The following BRIP1 variants were observed in gnomAD, a reference collection of about 807,000 sequenced individuals.
BRIP1 encodes BRCA1 interacting DNA helicase 1.
A neutral mutation model predicts 119.7 loss-of-function variants in BRIP1; 88 were observed. That is an observed-to-expected ratio of 0.74 (90% CI 0.62 to 0.88). BRIP1 has a LOEUF of 0.88. BRIP1 is among the 40% of genes least tolerant of loss of function. The pLI is 0.00. For missense variants in BRIP1, 1,259 were observed against 1,455.4 expected (o/e 0.87, Z 2.20); for synonymous variants, 443 against 496.5 (o/e 0.89, Z 1.43).
chr17:61,815,040 C>A lies in BRIP1; in HGVS notation c.628-6283G>T, dbSNP rs1357340870. ...AAACTTCAGGTAGAGAGTGAGGAAT[C>A]AAGACTATGGAAGATAATCTTAAAA... On this transcript the variant is annotated intron_variant, in intron 6 of 19. Transcript: ENST00000259008. The surrounding 1 kb of genome is among the most constrained non-coding windows in gnomAD (Gnocchi z 4.1). Among the ~76,000 whole-genome samples the A allele has an allele frequency of 1.3e-5, 2 of 149,010 alleles. No individual in the cohort carries two copies. The highest frequency in any genetic ancestry group is 2.1e-4 in the South Asian group (1 of 4,726).
intron 9 of BRIP1, among the ~76,000 whole-genome samples, chr17:61,797,545 A>C (rs1359977853): frequency 6.6e-6 from 1 of 152,046 alleles, no homozygotes; most frequent in African/African-American, 2.4e-5. Flanking sequence ...GTCAAGTGAG[A>C]AAATAGAATT....
Position 61,713,144 on chromosome 17 carries a change from G to A in BRIP1, c.2492+2807C>T, listed in dbSNP as rs2061805358. ...ACAATGCATTACAAGTGCTTGTGGC[G>A]ATGCTGGTGTAAACAAACCTACTGT... On this transcript the variant is annotated intron_variant, in intron 17 of 19. Coordinates refer to ENST00000259008, the MANE Select transcript of BRIP1 (RefSeq NM_032043.3). This position sits in a 1 kb window ranked among gnomAD's most constrained non-coding sequence, Gnocchi z 4.9. Among the ~76,000 whole-genome samples the A allele has an allele frequency of 3.3e-5, 5 of 152,096 alleles. No individual in the cohort carries two copies. The highest frequency in any genetic ancestry group is 4.1e-4 in the South Asian group (2 of 4,826).
intron 17 of BRIP1, among the ~76,000 whole-genome samples, chr17:61,698,102 G>A (rs1199645565): frequency 6.6e-6 from 1 of 152,172 alleles, no homozygotes; most frequent in Non-Finnish European, 1.5e-5. Flanking sequence ...CACCGTGCCT[G>A]GCCTAGATGT....
chr17:61,828,203 C>A lies in BRIP1; in HGVS notation c.627+18898G>T, dbSNP rs1484971179. Among the ~76,000 whole-genome samples the A allele has an allele frequency of 6.6e-6, 1 of 152,176 alleles. No individual in the cohort carries two copies. Among genetic ancestry groups the A allele is most frequent in the Non-Finnish European group, 1.5e-5 (1 of 68,030 alleles). The stretch of plus-strand genomic sequence containing the variant: ...ACAAACAAAATGTGGTATATCCATA[C>A]AATGGAATATTATTCAGCCATAAAA... On this transcript the variant is annotated intron_variant, in intron 6 of 19. Coordinates refer to ENST00000259008, the MANE Select transcript of BRIP1 (RefSeq NM_032043.3). The surrounding 1 kb of genome is among the most constrained non-coding windows in gnomAD (Gnocchi z 4.1).
In BRIP1 at chr17:61,693,382, T is replaced by C. The variant is rs1247841387; in HGVS notation, c.2575+48A>G. ...TATGTGTTTTTCACCACAATAAAAA[T>C]ATGAAGATTGTTACTAGTTTTTACT... On this transcript the variant is annotated intron_variant, in intron 18 of 19. Transcript: ENST00000259008. The surrounding 1 kb of genome is among the most constrained non-coding windows in gnomAD (Gnocchi z 4.2). 1.3e-6 allele frequency: 2 copies of C among 1,487,176 alleles called. No individual in the cohort carries two copies. The highest frequency in any genetic ancestry group is 9.4e-7 in the Non-Finnish European group (1 of 1,064,616). The allele number at this position is 1,487,176 out of a possible 1,614,324, so 92.1% of individuals were successfully genotyped here.
In BRIP1 at chr17:61,853,751, G is replaced by A. The variant is rs560107368; in HGVS notation, c.379+3307C>T. Among the ~76,000 whole-genome samples, 23 of 152,166 alleles carry A rather than the reference G, an allele frequency of 1.5e-4. No individual in the cohort carries two copies. In the South Asian group the frequency reaches 4.6e-3, roughly 30 times the overall value. ...CCATATACACATATTAACTCAAAATGGATCTTAGACCTAAATGTAAACCTA... is the reference window on the plus strand; with the variant it reads ...CCATATACACATATTAACTCAAAATAGATCTTAGACCTAAATGTAAACCTA... On this transcript the variant is annotated intron_variant, in intron 4 of 19. Coordinates refer to ENST00000259008, the MANE Select transcript of BRIP1 (RefSeq NM_032043.3). The surrounding 1 kb of genome is among the most constrained non-coding windows in gnomAD (Gnocchi z 4.3).
At chr17:61,707,268 C>T (rs2061704130) in intron 17 of BRIP1, among the ~76,000 whole-genome samples, 1 of 152,000 alleles carries the variant, frequency 6.6e-6, no homozygotes, top group Non-Finnish European at 1.5e-5. Context: ...TGTTATGATT[C>T]TGATTCTCTA....
At chr17:61,773,098 T>A (rs906086429) in intron 14 of BRIP1, among the ~76,000 whole-genome samples, 2 of 152,034 alleles carry the variant, frequency 1.3e-5, no homozygotes, top group Non-Finnish European at 2.9e-5. Flanking sequence ...AACAAGGTTT[T>A]AATGATATGT....
In BRIP1 at chr17:61,736,056, T is replaced by C. The variant is rs1489089312; in HGVS notation, c.2379+6957A>G. 6.6e-6 allele frequency among the ~76,000 whole-genome samples: 1 copy of C among 152,118 alleles called. No homozygotes were observed. Among genetic ancestry groups the C allele is most frequent in the East Asian group, 1.9e-4 (1 of 5,174 alleles). ...AAAAACTAATACAGGCTGGGCATGA[T>C]GGCTCACACCTATAATCCCAGCACT... On this transcript the variant is annotated intron_variant, in intron 16 of 19. Transcript: ENST00000259008. This position sits in a 1 kb window ranked among gnomAD's most constrained non-coding sequence, Gnocchi z 4.4.
At chr17:61,714,035 G>A (rs2061820935) in intron 17 of BRIP1, among the ~76,000 whole-genome samples, 1 of 152,088 alleles carries the variant, frequency 6.6e-6, no homozygotes, top group Non-Finnish European at 1.5e-5. Context: ...AGCAAGCTGG[G>A]CACAGTGGCG....
Position 61,744,469 on chromosome 17 carries a change from C to T in BRIP1, c.2220G>A (p.Gln740=), listed in dbSNP as rs45589637. 6.2e-7 allele frequency: 1 copy of T among 1,613,890 alleles called. No homozygotes were observed. The highest frequency in any genetic ancestry group is 1.3e-5 in the African/African-American group (1 of 74,990). ...TGTATTTGATTGCGTCATAGTACAC[C>T]TGCAGTAATTCATCAAAATTTGTTT... ...GEKTNFDELL[Q]VYYDAIKYKG... is the part of the protein sequence containing the mutation. The change falls in exon 15 of 20, where the codon CAG becomes CAA. Residue 740 remains glutamine (Q), a synonymous_variant. Transcript: ENST00000259008. This position sits in a 1 kb window ranked among gnomAD's most constrained non-coding sequence, Gnocchi z 5.0.
At chr17:61,764,734 AT>A in intron 14 of BRIP1, among the ~76,000 whole-genome samples, 1 of 152,008 alleles carries the variant, frequency 6.6e-6, no homozygotes, top group East Asian at 1.9e-4. Context: ...TATTTAACTA[AT>A]TTGTCTGTCA....
chr17:61,834,921 C>A lies in BRIP1; in HGVS notation c.627+12180G>T, dbSNP rs1336470034. On this transcript the variant is annotated intron_variant, in intron 6 of 19. Coordinates refer to ENST00000259008, the MANE Select transcript of BRIP1 (RefSeq NM_032043.3). The surrounding 1 kb of genome is among the most constrained non-coding windows in gnomAD (Gnocchi z 4.4). ...AGCTGAGCCCACCCTAAATTGCTGA[C>A]CCCCACAACAGTAAGCTAAATAAAT... is the stretch of plus-strand genomic sequence containing the variant. Among the ~76,000 whole-genome samples, 2 of 152,172 alleles carry A rather than the reference C, an allele frequency of 1.3e-5. No individual in the cohort carries two copies. Among genetic ancestry groups the A allele is most frequent in the African/African-American group, 4.8e-5 (2 of 41,418 alleles).
intron 17 of BRIP1, among the ~76,000 whole-genome samples, chr17:61,715,314 A>G (rs2061843543): frequency 6.6e-6 from 1 of 152,086 alleles, no homozygotes; most frequent in Admixed American, 6.6e-5. Flanking sequence ...GCACAAGAAA[A>G]TATAGATTGT....
Position 61,798,144 on chromosome 17 carries a change from A to T in BRIP1, c.1340+956T>A, listed in dbSNP as rs1300868265. Among the ~76,000 whole-genome samples the T allele has an allele frequency of 1.3e-5, 2 of 151,984 alleles. No individual in the cohort carries two copies. The highest frequency in any genetic ancestry group is 4.8e-5 in the African/African-American group (2 of 41,442). On this transcript the variant is annotated intron_variant, in intron 9 of 19. Coordinates refer to ENST00000259008, the MANE Select transcript of BRIP1 (RefSeq NM_032043.3). This position sits in a 1 kb window ranked among gnomAD's most constrained non-coding sequence, Gnocchi z 5.5. Reference sequence around the variant, plus strand: ...CAAAAAACTAGAAACAACCTCCTCTATTAATCAGAGGCTGGTTAAATAAAC... The same window carrying T: ...CAAAAAACTAGAAACAACCTCCTCTTTTAATCAGAGGCTGGTTAAATAAAC...
Position 61,775,395 on chromosome 17 carries a change from G to A in BRIP1, c.2097+1006C>T, listed in dbSNP as rs1210326547. Among the ~76,000 whole-genome samples, 1 of 152,118 alleles carries A rather than the reference G, an allele frequency of 6.6e-6. No individual in the cohort carries two copies. The highest frequency in any genetic ancestry group is 1.9e-4 in the East Asian group (1 of 5,192). On this transcript the variant is annotated intron_variant, in intron 14 of 19. Transcript: ENST00000259008. The surrounding 1 kb of genome is among the most constrained non-coding windows in gnomAD (Gnocchi z 4.4). Reference sequence around the variant, plus strand: ...AGTACATATATATAAAAAGACAGTAGAAGAGTCAAAAGTATCAATATTGTC... The same window carrying A: ...AGTACATATATATAAAAAGACAGTAAAAGAGTCAAAAGTATCAATATTGTC...
chr17:61,733,903 T>C (rs1456515645), intron 16 of BRIP1, among the ~76,000 whole-genome samples: 4 of 152,192 alleles, frequency 2.6e-5, no homozygotes, highest in Non-Finnish European at 5.9e-5. Flanking sequence ...CATCAAATTT[T>C]ATTAAACCAA....
chr17:61,786,292 C>G (rs982238944), intron 10 of BRIP1, among the ~76,000 whole-genome samples: 3 of 151,844 alleles, frequency 2.0e-5, no homozygotes, highest in Non-Finnish European at 4.4e-5. Flanking sequence ...AGAAAGTCAA[C>G]AGACAACATC....
intron 10 of BRIP1, among the ~76,000 whole-genome samples, chr17:61,791,887 TG>T (rs563496792): frequency 3.7e-4 from 56 of 152,296 alleles, no homozygotes; most frequent in African/African-American, 1.3e-3. Flanking sequence ...TGGATGAAAC[TG>T]GAAGTATTAT....
Sources: allele counts gnomAD v4.1 joint callset (sites outside exome capture counted in the v4.1 genomes callset), GRCh38; gene constraint gnomAD v4.1.1; non-coding constraint Gnocchi (gnomAD v3.1); transcripts MANE v1.5; gene names NCBI Gene and HGNC (gene_info 2026-07-23, HGNC 2026-07-21).